Variants in TOMM6 observed in about 807,000 individuals in gnomAD.
The protein encoded by TOMM6 is mitochondrial import receptor subunit TOM6 homolog.
TOMM6 carries 6 observed loss-of-function variants against 6.0 expected under a neutral mutation model. The observed-to-expected ratio is 1.00, with a 90% CI of 0.55 to 1.98. The LOEUF is 1.98. TOMM6 is among the 30% of genes most tolerant of loss of function. The pLI is 0.00. For synonymous variants in TOMM6, 44 were observed against 36.3 expected (o/e 1.21, Z -0.76); for missense variants, 104 against 95.3 (o/e 1.09, Z -0.38).
chr6:41,789,360 C>G lies in TOMM6; in HGVS notation c.*8+24C>G, dbSNP rs1219602367. The G allele has an allele frequency of 8.0e-6, 12 of 1,504,070 alleles. No individual in the cohort carries two copies. In the East Asian group the frequency reaches 2.2e-4, roughly 28 times the overall value. 93.2% of individuals were successfully genotyped at this position (1,504,070 alleles called of 1,614,324 possible). A position where few individuals can be genotyped will look rare whatever the true frequency, so the allele number is the denominator to read the frequency against. ...AGGTAAGCACTGAACTACACCCATG[C>G]GTGTCTTAGGAGACCTAGAGACTGG... On this transcript the variant is annotated intron_variant, in intron 2 of 2. Coordinates refer to ENST00000398881, the MANE Select transcript of TOMM6 (RefSeq NM_001382294.1).
chr6:41,789,507 A>C, intron 2 of TOMM6, 61 bp from the exon 3 acceptor site: 1 of 579,540 alleles, frequency 1.7e-6, no homozygotes, highest in Admixed American at 2.9e-5. Context: ...ATCTCTTACC[A>C]GTTTCCCTCC....
intron 1 of TOMM6, 40 bp from the exon 2 acceptor site, chr6:41,789,192 T>C (rs1476268193): frequency 2.6e-5 from 40 of 1,523,562 alleles, no homozygotes; most frequent in Non-Finnish European, 3.5e-5. Context: ...TACAACTGAC[T>C]CAGTGACCAC....
rs192770043 is a variant in TOMM6, at chr6:41,788,355, A to T, written c.128+530A>T. On this transcript the variant is annotated intron_variant, in intron 1 of 2. Coordinates refer to ENST00000398881, the MANE Select transcript of TOMM6 (RefSeq NM_001382294.1). The stretch of plus-strand genomic sequence containing the variant: ...GAGACGGGGTTTCACCGTGTTATCC[A>T]GGATGGTCTCGATCTCCTGACCTCG... 5.5e-5 allele frequency among the ~76,000 whole-genome samples: 8 copies of T among 146,444 alleles called. 1 individual carries two copies. The highest frequency in any genetic ancestry group is 2.0e-4 in the African/African-American group (8 of 39,468).
Position 41,787,741 on chromosome 6 carries a change from A to G in TOMM6, c.44A>G (p.Asn15Ser), listed in dbSNP as rs1429944511. The G allele has an allele frequency of 1.9e-6, 3 of 1,551,560 alleles. No individual in the cohort carries two copies. The East Asian group carries it at 7.3e-5, about 38-fold the overall frequency. ...CCGGTGAGCGCTGCTGGCTCGGCTA[A>G]TGAAACTCCCGAAATACCGGACAAC... Reference protein sequence around the residue: ...TVPVSAAGSANETPEIPDNVG... With the variant: ...TVPVSAAGSASETPEIPDNVG... The change falls in exon 1 of 3, where the codon AAT (asparagine) becomes AGT (serine). Residue 15 changes from asparagine to serine, a missense_variant. Asn to Ser is a conservative substitution (Grantham distance 46). Transcript: ENST00000398881.
chr6:41,788,434 A>ACG (rs556778177), intron 1 of TOMM6, among the ~76,000 whole-genome samples: 12,926 of 87,640 alleles, frequency 0.15, 1,157 homozygotes, highest in East Asian at 0.25. Context: ...GTGAGCCACC[A>ACG]CGCCCGGCCT....
chr6:41,787,748 T>G lies in TOMM6; in HGVS notation c.51T>G (p.Thr17=), dbSNP rs963081664. The G allele has an allele frequency of 7.7e-6, 12 of 1,551,448 alleles. No individual in the cohort carries two copies. The African/African-American group carries it at 1.1e-4, about 14-fold the overall frequency. Residue 17 remains threonine (T), a synonymous_variant, in exon 1 of 3, where the codon ACT becomes ACG. Coordinates refer to ENST00000398881, the MANE Select transcript of TOMM6 (RefSeq NM_001382294.1). ...PVSAAGSANE[T]PEIPDNVGDW... is the part of the protein sequence containing the mutation. ...GCGCTGCTGGCTCGGCTAATGAAAC[T>G]CCCGAAATACCGGACAACGTGGGAG...
At chr6:41,789,482 G>C (rs1772755293) in intron 2 of TOMM6, 86 bp from the exon 3 acceptor site, 1 of 660,902 alleles carries the variant, frequency 1.5e-6, no homozygotes, top group East Asian at 2.8e-5. Context: ...TTCAGATGTT[G>C]AAAGGGATTT....
chr6:41,788,606 C>G (rs1413805778), intron 1 of TOMM6, among the ~76,000 whole-genome samples: 3 of 150,480 alleles, frequency 2.0e-5, no homozygotes, highest in Non-Finnish European at 4.4e-5. Context: ...GCGCGCGCCA[C>G]CACGCCCAGC....
Position 41,789,265 on chromosome 6 carries a change from G to A in TOMM6, c.162G>A (p.Ala54=), listed in dbSNP as rs967350045. 2.6e-6 allele frequency: 4 copies of A among 1,551,262 alleles called. No homozygotes were observed. The highest frequency in any genetic ancestry group is 2.7e-5 in the African/African-American group (2 of 73,014). Residue 54 remains alanine (A), a synonymous_variant, in exon 2 of 3, where the codon GCG becomes GCA. Transcript: ENST00000398881. The stretch of plus-strand genomic sequence containing the variant: ...TACTAAATTTGGGACTCTTTGCTGC[G>A]GGAGTTTGGCTGGCCAGGAACTTGA... ...NLILNLGLFA[A]GVWLARNLSD...
chr6:41,788,580 G>A lies in TOMM6; in HGVS notation c.129-652G>A, dbSNP rs187761190. 7.4e-3 allele frequency among the ~76,000 whole-genome samples: 1,084 copies of A among 145,964 alleles called. 10 individuals are homozygous for A. The highest frequency in any genetic ancestry group is 0.026 in the African/African-American group (1,015 of 39,072). ...CGATTCTCCTGCCTCAGCCTCCCCA[G>A]TAGCTGGGATTACAAGCGCGCGCCA... On this transcript the variant is annotated intron_variant, in intron 1 of 2. Transcript: ENST00000398881.
At chr6:41,787,926 A>G (rs1020135116) in intron 1 of TOMM6, 101 bp downstream of exon 1, 79 of 1,461,778 alleles carry the variant, frequency 5.4e-5, no homozygotes, top group African/African-American at 1.4e-5. Context: ...TTTGTTTTTT[A>G]ACATTACCAG....
chr6:41,789,157 TC>T (rs1380477965), intron 1 of TOMM6, 74 bp from the exon 2 acceptor site: 67 of 1,361,692 alleles, frequency 4.9e-5, no homozygotes, highest in Non-Finnish European at 6.6e-5. Flanking sequence ...TGGAAGCCTT[TC>T]CCCCCAGTAC....
At position 41,787,737 on chromosome 6, in the gene TOMM6, G is replaced by A; in HGVS notation, c.40G>A (p.Ala14Thr). Reference sequence around the variant, plus strand: ...TGTCCCGGTGAGCGCTGCTGGCTCGGCTAATGAAACTCCCGAAATACCGGA... The same window carrying A: ...TGTCCCGGTGAGCGCTGCTGGCTCGACTAATGAAACTCCCGAAATACCGGA... ...STVPVSAAGS[A>T]NETPEIPDNV... Residue 14 changes from alanine to threonine, a missense_variant, in exon 1 of 3, where the codon GCT (alanine) becomes ACT (threonine). Transcript: ENST00000398881. 2 of 1,551,666 alleles carry A rather than the reference G, an allele frequency of 1.3e-6. No individual in the cohort carries two copies. Among genetic ancestry groups the A allele is most frequent in the Non-Finnish European group, 1.7e-6 (2 of 1,146,988 alleles).
intron 1 of TOMM6, 97 bp downstream of exon 1, chr6:41,787,922 T>A (rs1243182783): frequency 4.1e-6 from 6 of 1,478,058 alleles, no homozygotes; most frequent in Non-Finnish European, 4.5e-6. Context: ...TGTTTTTGTT[T>A]TTTAACATTA....
At chr6:41,788,524 C>T (rs1306375150) in intron 1 of TOMM6, among the ~76,000 whole-genome samples, 1 of 141,240 alleles carries the variant, frequency 7.1e-6, no homozygotes, top group Non-Finnish European at 1.5e-5. Flanking sequence ...GCAATCTCGG[C>T]TCACTGCCCC....
chr6:41,789,200 C>G, intron 1 of TOMM6, 32 bp from the exon 2 acceptor site: 1 of 1,537,732 alleles, frequency 6.5e-7, no homozygotes, highest in South Asian at 1.2e-5. Flanking sequence ...ACTCAGTGAC[C>G]ACAGGGTTAA....
intron 1 of TOMM6, among the ~76,000 whole-genome samples, chr6:41,789,004 A>G (rs995434694): frequency 1.3e-5 from 2 of 152,064 alleles, no homozygotes; most frequent in Non-Finnish European, 1.5e-5. Flanking sequence ...TTGGCCTTCC[A>G]AAGTGCTGGG....
rs376410300 is a variant in TOMM6 at position 41,789,345 on chromosome 6, T to C, written c.*8+9T>C. ...GGGGTGTAGCCAAGTAGGTAAGCAC[T>C]GAACTACACCCATGCGTGTCTTAGG... On this transcript the variant is annotated intron_variant, in intron 2 of 2. Coordinates refer to ENST00000398881, the MANE Select transcript of TOMM6 (RefSeq NM_001382294.1). 1.1e-4 allele frequency: 169 copies of C among 1,542,376 alleles called. No individual in the cohort carries two copies. The highest frequency in any genetic ancestry group is 1.4e-4 in the Non-Finnish European group (160 of 1,138,412).
chr6:41,788,139 CTTTT>C (rs536809578), intron 1 of TOMM6, among the ~76,000 whole-genome samples: 2 of 57,726 alleles, frequency 3.5e-5, no homozygotes, highest in Non-Finnish European at 7.9e-5. Context: ...TCTTACATTT[CTTTT>C]TTGTTTTTTT....
Sources: gnomAD v4.1 joint callset for allele counts (sites outside exome capture counted in the v4.1 genomes callset) on GRCh38, gnomAD v4.1.1 for gene constraint, MANE v1.5 for transcripts, NCBI Gene and HGNC (gene_info 2026-07-23, HGNC 2026-07-21) for gene names.